Variants in OSTC observed in about 807,000 individuals in gnomAD.
OSTC encodes oligosaccharyltransferase complex non-catalytic subunit, also known as oligosaccharyltransferase complex subunit OSTC.
A neutral mutation model predicts 16.4 loss-of-function variants in OSTC; 16 were observed. The observed-to-expected ratio is 0.98, with a 90% CI of 0.66 to 1.49. The LOEUF (loss-of-function observed/expected upper bound fraction) is 1.49. OSTC is among the 40% of genes most tolerant of loss of function. The pLI is 0.00. For missense variants in OSTC, 139 were observed against 186.3 expected, an observed-to-expected ratio of 0.75 and a Z score of 1.48; for synonymous variants, 67 against 68.5, an observed-to-expected ratio of 0.98 and a Z score of 0.11.
chr4:108,658,742 T>G (rs976742798), intron 3 of OSTC, among the ~76,000 whole-genome samples: 32 of 152,142 alleles, frequency 2.1e-4, no homozygotes, highest in African/African-American at 7.2e-4. Flanking sequence ...AAGTGTCAAC[T>G]ATACTGATTT....
At chr4:108,658,892 G>A (rs1726780344) in intron 3 of OSTC, among the ~76,000 whole-genome samples, 1 of 151,774 alleles carries the variant, frequency 6.6e-6, no homozygotes, top group African/African-American at 2.4e-5. Flanking sequence ...CTGGCAGGAT[G>A]GGAGGGAAAG....
Position 108,650,786 on chromosome 4 carries a change from T to A in OSTC, c.131T>A (p.Ile44Asn). The change falls in exon 1 of 4, where the codon ATC becomes AAC. Residue 44 changes from isoleucine to asparagine, a missense_variant. Physicochemically the swap from Ile to Asn is moderately radical, Grantham distance 149. Transcript: ENST00000361564. ...CTGGTGGTGGTGTCTTACTTCCTCA[T>A]CACCGGAGGTAACTCGGGCTGTCGG... ...YALVVVSYFL[I>N]TGGIIYDVIV... 6.2e-7 allele frequency: 1 copy of A among 1,614,190 alleles called. No homozygotes were observed. Among genetic ancestry groups the A allele is most frequent in the Non-Finnish European group, 8.5e-7 (1 of 1,180,030 alleles).
chr4:108,652,338 A>T (rs1726577006), intron 1 of OSTC: 1 of 151,924 alleles, frequency 6.6e-6, no homozygotes, highest in South Asian at 2.1e-4. Context: ...CTTTCCTGTA[A>T]CCCTTACTTC....
intron 3 of OSTC, among the ~76,000 whole-genome samples, chr4:108,664,785 G>A (rs1726952992): frequency 6.6e-6 from 1 of 151,956 alleles, no homozygotes; most frequent in East Asian, 1.9e-4. Flanking sequence ...GTAGAGACGG[G>A]GTTTCACTGT....
intron 3 of OSTC, among the ~76,000 whole-genome samples, chr4:108,665,793 G>A (rs1726981298): frequency 6.6e-6 from 1 of 151,730 alleles, no homozygotes; most frequent in African/African-American, 2.4e-5. Flanking sequence ...CTCCTGACCT[G>A]GTGCTCCACC....
At chr4:108,656,802 A>T (rs1054382949) in intron 2 of OSTC, among the ~76,000 whole-genome samples, 7 of 152,150 alleles carry the variant, frequency 4.6e-5, no homozygotes, top group South Asian at 2.1e-4. Context: ...ATAACTTTTT[A>T]AAAAAAGCTA....
At position 108,651,910 on chromosome 4, in the gene OSTC, G is replaced by T. The variant is rs550325405; in HGVS notation, c.139+1116G>T. The stretch of plus-strand genomic sequence containing the variant: ...GAATTTACCTCCTTCCCCCAATCTA[G>T]AATAGTGAGAATTAACTTACGTTCA... On this transcript the variant is annotated intron_variant, in intron 1 of 3. Transcript: ENST00000361564. Among the ~76,000 whole-genome samples the T allele has an allele frequency of 4.6e-5, 7 of 152,226 alleles. 1 individual carries two copies. The East Asian group carries it at 1.4e-3, about 29-fold the overall frequency.
intron 3 of OSTC, among the ~76,000 whole-genome samples, chr4:108,659,510 T>C (rs978811488): frequency 3.9e-5 from 6 of 152,180 alleles, no homozygotes; most frequent in Non-Finnish European, 1.5e-5. Context: ...GGCTCATGCC[T>C]GTAATCCCAG....
intron 1 of OSTC, among the ~76,000 whole-genome samples, chr4:108,652,608 A>G (rs1344362278): frequency 1.3e-5 from 2 of 152,220 alleles, no homozygotes; most frequent in Non-Finnish European, 2.9e-5. Context: ...GCAAATAGAT[A>G]CTGAGTCCCG....
chr4:108,665,510 C>T (rs1726970568), intron 3 of OSTC, among the ~76,000 whole-genome samples: 1 of 108,870 alleles, frequency 9.2e-6, no homozygotes, highest in South Asian at 3.4e-4. Flanking sequence ...CACGGGGTTT[C>T]ACCATGTTAG....
At chr4:108,650,881 C>G in intron 1 of OSTC, 87 bp downstream of exon 1, 4 of 1,578,974 alleles carry the variant, frequency 2.5e-6, no homozygotes, top group Non-Finnish European at 3.5e-6. Flanking sequence ...ACTCTCAGCC[C>G]CGGGGGAAGC....
At position 108,667,313 on chromosome 4, in the gene OSTC, T is replaced by C; in HGVS notation, c.*48T>C. 7 of 1,560,712 alleles carry C rather than the reference T, an allele frequency of 4.5e-6. No homozygotes were observed. The highest frequency in any genetic ancestry group is 6.2e-6 in the Non-Finnish European group (7 of 1,137,288). The stretch of plus-strand genomic sequence containing the variant: ...TGGATACTGGATTTGCTCCTGTCAA[T>C]GAAGTTTTAAAGGCTGTACCAATCC... On this transcript the variant is annotated 3_prime_UTR_variant, in exon 4 of 4. Transcript: ENST00000361564.
At chr4:108,664,107 A>G (rs1255045867) in intron 3 of OSTC, among the ~76,000 whole-genome samples, 1 of 149,530 alleles carries the variant, frequency 6.7e-6, no homozygotes, top group African/African-American at 2.6e-5. Flanking sequence ...CTTTTTTCTA[A>G]CATGGTATCG....
Position 108,667,252 on chromosome 4 carries a change from A to C in OSTC, c.437A>C (p.Tyr146Ser). Reference protein sequence around the residue: ...RVFMRMKLPGYLMG With the variant: ...RVFMRMKLPGSLMG ...TTATAATTATATTTCTGCAGGGGCT[A>C]TCTGATGGGTTAGAGTGCCTTTGAG... Residue 146 changes from tyrosine to serine, a missense_variant, in exon 4 of 4, where the codon TAT becomes TCT. Tyr to Ser is a moderately radical substitution (Grantham distance 144, BLOSUM62 -2). Coordinates refer to ENST00000361564, the MANE Select transcript of OSTC (RefSeq NM_021227.4). 2 of 1,609,522 alleles carry C rather than the reference A, an allele frequency of 1.2e-6. No individual in the cohort carries two copies. The highest frequency in any genetic ancestry group is 2.7e-5 in the African/African-American group (2 of 74,934).
intron 3 of OSTC, among the ~76,000 whole-genome samples, chr4:108,661,449 A>T (rs189553919): frequency 6.6e-6 from 1 of 152,242 alleles, no homozygotes; most frequent in East Asian, 1.9e-4. Context: ...ATATACATAG[A>T]CTCAAAGGAA....
At chr4:108,653,731 T>C (rs1726618422) in intron 1 of OSTC, among the ~76,000 whole-genome samples, 1 of 152,216 alleles carries the variant, frequency 6.6e-6, no homozygotes, top group South Asian at 2.1e-4. Flanking sequence ...GATGGGAGTC[T>C]AGACCTGAGA....
At position 108,659,768 on chromosome 4, in the gene OSTC, C is replaced by CA. The variant is rs376873612; in HGVS notation, c.431+2129dup. On this transcript the variant is annotated intron_variant, in intron 3 of 3. Transcript: ENST00000361564. ...TGGGCGACAGAGTAAGACTCCATCTCAAAAAAAAGAAAAGAAAAGAAAAGA... is the reference window on the plus strand; with the variant it reads ...TGGGCGACAGAGTAAGACTCCATCTCAAAAAAAAAGAAAAGAAAAGAAAAGA... 2.0e-3 allele frequency among the ~76,000 whole-genome samples: 301 copies of CA among 150,800 alleles called. 2 individuals are homozygous for CA. The highest frequency in any genetic ancestry group is 6.8e-3 in the African/African-American group (279 of 41,176).
At chr4:108,667,175 A>G in intron 3 of OSTC, 72 bp from the exon 4 acceptor site, 4 of 1,298,866 alleles carry the variant, frequency 3.1e-6, no homozygotes, top group Non-Finnish European at 4.3e-6. Flanking sequence ...TGGCATTTTG[A>G]AATACTATGA....
At chr4:108,664,827 C>T (rs1375633513) in intron 3 of OSTC, among the ~76,000 whole-genome samples, 1 of 152,020 alleles carries the variant, frequency 6.6e-6, no homozygotes, top group African/African-American at 2.4e-5. Flanking sequence ...CTCTTGACCT[C>T]GTGATCCGCC....
Sources: gnomAD v4.1 joint callset for allele counts (sites outside exome capture counted in the v4.1 genomes callset) on GRCh38, gnomAD v4.1.1 for gene constraint, MANE v1.5 for transcripts, NCBI Gene and HGNC (gene_info 2026-07-23, HGNC 2026-07-21) for gene names.